Variants in GRID1 observed in about 807,000 individuals in gnomAD.
GRID1 encodes glutamate ionotropic receptor delta type subunit 1, also known as glutamate receptor ionotropic, delta-1.
GRID1 carries 28 observed loss-of-function variants against 98.0 expected under a neutral mutation model. The observed-to-expected ratio is 0.29, with a 90% confidence interval of 0.21 to 0.39. The LOEUF (loss-of-function observed/expected upper bound fraction) is 0.39, where lower values mean the gene tolerates loss of function less well. Ranked by LOEUF, GRID1 falls within the 10% of genes least tolerant of loss-of-function variation. GRID1 has a pLI of 1.00. For synonymous variants in GRID1, 553 were observed against 538.5 expected, an observed-to-expected ratio of 1.03 and a Z score of -0.37; for missense variants, 1,111 against 1,340.5, an observed-to-expected ratio of 0.83 and a Z score of 2.67.
At chr10:85,931,494 C>T (rs1349440661) in intron 4 of GRID1, among the ~76,000 whole-genome samples, 3 of 151,930 alleles carry the variant, frequency 2.0e-5, no homozygotes, top group African/African-American at 7.3e-5. Flanking sequence ...TCATTATATA[C>T]CTCTTTGCCT....
chr10:85,746,927 C>G (rs184283516), intron 8 of GRID1, among the ~76,000 whole-genome samples: 1 of 152,130 alleles, frequency 6.6e-6, no homozygotes, highest in African/African-American at 2.4e-5. Context: ...CCTTTATGCT[C>G]ATCTTAAAAG....
chr10:86,152,375 C>T (rs2131980936), intron 3 of GRID1, among the ~76,000 whole-genome samples: 1 of 152,286 alleles, frequency 6.6e-6, no homozygotes, highest in South Asian at 2.1e-4. Flanking sequence ...GGCCTAGGGC[C>T]CAGCCATGCC....
At chr10:85,815,884 C>T (rs1842711775) in intron 8 of GRID1, among the ~76,000 whole-genome samples, 1 of 151,752 alleles carries the variant, frequency 6.6e-6, no homozygotes. Flanking sequence ...TAAAGCAAAA[C>T]AACTCCTTTT....
At chr10:86,131,228 A>G (rs1476785890) in intron 4 of GRID1, among the ~76,000 whole-genome samples, 3 of 151,946 alleles carry the variant, frequency 2.0e-5, no homozygotes, top group South Asian at 2.1e-4. Context: ...GAGCTCCCCA[A>G]TCAGCTCTTC....
At chr10:85,656,090 C>T (rs916344909) in intron 12 of GRID1, among the ~76,000 whole-genome samples, 15 of 152,304 alleles carry the variant, frequency 9.8e-5, no homozygotes, top group African/African-American at 3.4e-4. Flanking sequence ...ACCCTCTTCC[C>T]GTTTCTCAGG....
At chr10:86,227,548 AG>A (rs1468513447) in intron 2 of GRID1, among the ~76,000 whole-genome samples, 1 of 150,916 alleles carries the variant, frequency 6.6e-6, no homozygotes, top group African/African-American at 2.4e-5. Flanking sequence ...CCAGAGACCC[AG>A]CCCCAAGACC....
chr10:86,200,401 C>G (rs1002563231), intron 3 of GRID1, among the ~76,000 whole-genome samples: 1 of 152,144 alleles, frequency 6.6e-6, no homozygotes, highest in Non-Finnish European at 1.5e-5. Context: ...CAAAGTGGAG[C>G]AGTGTCAGGG....
At chr10:86,193,944 T>A (rs146774895) in intron 3 of GRID1, among the ~76,000 whole-genome samples, 2 of 152,144 alleles carry the variant, frequency 1.3e-5, no homozygotes, top group Non-Finnish European at 2.9e-5. Flanking sequence ...CCGACCTAAG[T>A]GGGCCCTTGC....
Position 85,876,997 on chromosome 10 carries a change from G to A in GRID1, c.781-7817C>T, listed in dbSNP as rs529547017. Among the ~76,000 whole-genome samples, 155 of 152,272 alleles carry A rather than the reference G, an allele frequency of 1.0e-3. 4 individuals are homozygous for A. In the South Asian group the frequency reaches 0.013, roughly 13 times the overall value. ...GAGGGTCCTACGCCCACGGAGTCTC[G>A]CTGATTGCTAGCACAGCAGTCTGAG... On this transcript the variant is annotated intron_variant, in intron 5 of 15. Coordinates refer to ENST00000327946, the MANE Select transcript of GRID1 (RefSeq NM_017551.3).
intron 4 of GRID1, among the ~76,000 whole-genome samples, chr10:86,085,772 G>C (rs568651750): frequency 2.6e-5 from 4 of 152,140 alleles, no homozygotes; most frequent in African/African-American, 9.6e-5. Flanking sequence ...CAGTCCGAAG[G>C]TCCCTGCTGA....
intron 2 of GRID1, among the ~76,000 whole-genome samples, chr10:86,347,859 A>C (rs1021037065): frequency 6.6e-6 from 1 of 152,218 alleles, no homozygotes; most frequent in African/African-American, 2.4e-5. Flanking sequence ...TGATAGTCTC[A>C]GATGGTCCGC....
chr10:85,890,188 T>G (rs1308416937), intron 5 of GRID1, among the ~76,000 whole-genome samples: 2 of 152,098 alleles, frequency 1.3e-5, no homozygotes, highest in African/African-American at 4.8e-5. Flanking sequence ...CTCTGATGAT[T>G]ACTGATGTTA....
chr10:85,997,448 G>C (rs1054962016), intron 4 of GRID1, among the ~76,000 whole-genome samples: 5 of 151,880 alleles, frequency 3.3e-5, no homozygotes, highest in Admixed American at 1.3e-4. Flanking sequence ...GATGAACGTA[G>C]AGGGAACTAA....
intron 8 of GRID1, among the ~76,000 whole-genome samples, chr10:85,778,772 C>G (rs866880533): frequency 2.0e-5 from 3 of 152,102 alleles, no homozygotes; most frequent in Admixed American, 6.5e-5. Context: ...TCCTGAACAC[C>G]CAGCCTGGAG....
intron 2 of GRID1, among the ~76,000 whole-genome samples, chr10:86,324,282 C>T (rs1848012825): frequency 6.6e-6 from 1 of 152,130 alleles, no homozygotes; most frequent in Non-Finnish European, 1.5e-5. Flanking sequence ...GACATTGAGG[C>T]ATAGAAAGGT....
chr10:86,174,311 A>G (rs1435287548), intron 3 of GRID1, among the ~76,000 whole-genome samples: 1 of 152,140 alleles, frequency 6.6e-6, no homozygotes, highest in Non-Finnish European at 1.5e-5. Context: ...TCAATGGAAC[A>G]GAACAGAGCC....
chr10:86,298,172 A>T (rs1847622377), intron 2 of GRID1, among the ~76,000 whole-genome samples: 1 of 152,250 alleles, frequency 6.6e-6, no homozygotes, highest in Non-Finnish European at 1.5e-5. Flanking sequence ...TGTTTAAATA[A>T]ATTAAAGAAC....
chr10:85,893,918 C>G (rs1841241784), intron 5 of GRID1, among the ~76,000 whole-genome samples: 1 of 152,194 alleles, frequency 6.6e-6, no homozygotes, highest in Non-Finnish European at 1.5e-5. Flanking sequence ...AGAGTGAATT[C>G]CTCTTAAATT....
chr10:86,276,492 A>G (rs1455666290), intron 2 of GRID1, among the ~76,000 whole-genome samples: 3 of 151,052 alleles, frequency 2.0e-5, no homozygotes, highest in Non-Finnish European at 2.9e-5. Context: ...AACACTTGAT[A>G]CTCAATACGA....
Sources: allele counts gnomAD v4.1 joint callset (sites outside exome capture counted in the v4.1 genomes callset), GRCh38; gene constraint gnomAD v4.1.1; transcripts MANE v1.5; gene names NCBI Gene and HGNC (gene_info 2026-07-23, HGNC 2026-07-21).